The following TENM3 variants were observed in gnomAD, a reference collection of about 807,000 sequenced individuals.
The protein encoded by TENM3 is teneurin transmembrane protein 3.
TENM3 carries 63 observed loss-of-function variants against 255.1 expected under a neutral mutation model. That is an observed-to-expected ratio of 0.25 (90% CI 0.20 to 0.30). The LOEUF is 0.30. Among genes scored for constraint, TENM3 ranks in the 10% least tolerant of loss-of-function variants. TENM3 has a pLI of 1.00. For synonymous variants in TENM3, 1,306 were observed against 1,322.3 expected, an observed-to-expected ratio of 0.99 and a Z score of 0.27; for missense variants, 2,929 against 3,461.1, an observed-to-expected ratio of 0.85 and a Z score of 3.86.
chr4:181,694,989 G>A, the TENM3 span, among the ~76,000 whole-genome samples: 3 of 117,934 alleles, frequency 2.5e-5, no homozygotes, highest in Admixed American at 2.3e-4. Flanking sequence ...CTATAATTAA[G>A]ATTTTGTTGG....
the TENM3 span, among the ~76,000 whole-genome samples, chr4:181,504,065 T>A: frequency 3.9e-5 from 6 of 152,344 alleles, no homozygotes; most frequent in Non-Finnish European, 8.8e-5. Context: ...ATCCTTTAGT[T>A]ACCTGGTTTA....
At chr4:181,584,191 T>C in the TENM3 span, among the ~76,000 whole-genome samples, 1 of 152,162 alleles carries the variant, frequency 6.6e-6, no homozygotes, top group Non-Finnish European at 1.5e-5. Flanking sequence ...GTATCTCACA[T>C]GTAAACCAAA....
At chr4:181,546,977 C>T in the TENM3 span, among the ~76,000 whole-genome samples, 1 of 152,060 alleles carries the variant, frequency 6.6e-6, no homozygotes, top group African/African-American at 2.4e-5. Context: ...TTGACCCATC[C>T]AGATTCAAAA....
At chr4:182,682,232 T>C (rs1045183137) in intron 11 of TENM3, among the ~76,000 whole-genome samples, 2 of 152,212 alleles carry the variant, frequency 1.3e-5, no homozygotes, top group Non-Finnish European at 2.9e-5. Flanking sequence ...TTTAGTATTA[T>C]GCGGAGACTC....
chr4:182,367,798 G>A (rs1271071653), intron 3 of TENM3, among the ~76,000 whole-genome samples: 1 of 152,076 alleles, frequency 6.6e-6, no homozygotes, highest in Non-Finnish European at 1.5e-5. Context: ...AAATACATGT[G>A]GATTTAAAGG....
chr4:182,701,164 C>T (rs1757825197), intron 12 of TENM3, among the ~76,000 whole-genome samples: 2 of 130,204 alleles, frequency 1.5e-5, no homozygotes, highest in South Asian at 5.2e-4. Context: ...CCCACCTGAA[C>T]AATAAGGGGT....
At chr4:181,884,043 A>T in the TENM3 span, among the ~76,000 whole-genome samples, 1 of 152,178 alleles carries the variant, frequency 6.6e-6, no homozygotes, top group Non-Finnish European at 1.5e-5. Flanking sequence ...TTCCCCGGAC[A>T]AAACCCTGTG....
At chr4:182,439,666 C>G (rs900220147) in intron 3 of TENM3, among the ~76,000 whole-genome samples, 1 of 152,136 alleles carries the variant, frequency 6.6e-6, no homozygotes, top group Non-Finnish European at 1.5e-5. Context: ...TTTTCAATAC[C>G]CATTACCTCT....
intron 3 of TENM3, among the ~76,000 whole-genome samples, chr4:182,587,734 A>T (rs1057499702): frequency 6.6e-6 from 1 of 152,164 alleles, no homozygotes. Context: ...AGCTTGAAAG[A>T]TGCATCCTAG....
intron 4 of TENM3, among the ~76,000 whole-genome samples, chr4:182,602,909 T>C (rs58016410): frequency 2.6e-3 from 403 of 152,334 alleles, no homozygotes; most frequent in African/African-American, 9.4e-3. Context: ...AATAATTGTT[T>C]TGACAAATAT....
At chr4:182,038,478 T>C in the TENM3 span, among the ~76,000 whole-genome samples, 330 of 152,296 alleles carry the variant, frequency 2.2e-3, 2 homozygotes, top group African/African-American at 7.7e-3. Context: ...GAATAGACCA[T>C]TTAAGTGTCT....
At chr4:181,496,987 G>A in the TENM3 span, among the ~76,000 whole-genome samples, 1 of 151,968 alleles carries the variant, frequency 6.6e-6, no homozygotes, top group Non-Finnish European at 1.5e-5. Context: ...ATTATAAAAG[G>A]CATTTATATT....
At position 182,378,648 on chromosome 4, in the gene TENM3, C is replaced by T. The variant is rs188026246; in HGVS notation, c.511+31719C>T. On this transcript the variant is annotated intron_variant, in intron 3 of 27. Coordinates refer to ENST00000511685, the MANE Select transcript of TENM3 (RefSeq NM_001080477.4). The stretch of plus-strand genomic sequence containing the variant: ...AACAGGCCTCGGAAGGGTCACCCAG[C>T]GGTCACGGAGGACAGTGGCATAACT... 2.6e-3 allele frequency among the ~76,000 whole-genome samples: 401 copies of T among 152,218 alleles called. 2 individuals are homozygous for T. The highest frequency in any genetic ancestry group is 6.3e-3 in the African/African-American group (262 of 41,526).
the TENM3 span, among the ~76,000 whole-genome samples, chr4:182,088,695 G>T: frequency 1.3e-5 from 2 of 151,994 alleles, no homozygotes. Context: ...TTCACTGGGC[G>T]TGGTGGCAAG....
intron 3 of TENM3, among the ~76,000 whole-genome samples, chr4:182,546,001 T>G (rs1270853291): frequency 6.6e-6 from 1 of 152,202 alleles, no homozygotes; most frequent in Admixed American, 6.5e-5. Flanking sequence ...TTGTATGTAT[T>G]TTTTACTGTA....
At chr4:181,669,247 TA>T in the TENM3 span, among the ~76,000 whole-genome samples, 1 of 152,202 alleles carries the variant, frequency 6.6e-6, no homozygotes, top group African/African-American at 2.4e-5. Context: ...CATTACATAC[TA>T]ATGCATTTAA....
chr4:181,620,432 C>T, the TENM3 span, among the ~76,000 whole-genome samples: 13 of 152,108 alleles, frequency 8.5e-5, no homozygotes, highest in Non-Finnish European at 1.5e-4. Context: ...TCTTTATACA[C>T]GTGTTTCTCA....
At chr4:182,523,189 TG>T (rs1738768456) in intron 3 of TENM3, among the ~76,000 whole-genome samples, 1 of 136,978 alleles carries the variant, frequency 7.3e-6, no homozygotes, top group Non-Finnish European at 1.6e-5. Flanking sequence ...GTGGTTTTGT[TG>T]TTGTTGTTGT....
the TENM3 span, among the ~76,000 whole-genome samples, chr4:182,108,192 A>AC: frequency 5.8e-4 from 88 of 152,216 alleles, no homozygotes; most frequent in African/African-American, 1.5e-3. Context: ...TCAGCCACCT[A>AC]CATCTCGCTC....
Sources: gnomAD v4.1 joint callset for allele counts (sites outside exome capture counted in the v4.1 genomes callset) on GRCh38, gnomAD v4.1.1 for gene constraint, MANE v1.5 for transcripts, NCBI Gene and HGNC (gene_info 2026-07-23, HGNC 2026-07-21) for gene names.